Variants in ZNF521 observed in about 807,000 individuals in gnomAD.
The protein encoded by ZNF521 is LYST-interacting protein 3.
ZNF521 carries 14 observed loss-of-function variants against 105.5 expected under a neutral mutation model. The observed-to-expected ratio is 0.13, with a 90% CI of 0.09 to 0.21. ZNF521 has a LOEUF of 0.21. Ranked by LOEUF, ZNF521 falls within the 10% of genes least tolerant of loss-of-function variation. The pLI is 1.00. For missense variants in ZNF521, 1,233 were observed against 1,629.7 expected, an observed-to-expected ratio of 0.76 and a Z score of 4.19; for synonymous variants, 635 against 606.0, an observed-to-expected ratio of 1.05 and a Z score of -0.70.
At chr18:25,346,980 GT>G (rs1435898015) in intron 2 of ZNF521, among the ~76,000 whole-genome samples, 1 of 152,020 alleles carries the variant, frequency 6.6e-6, no homozygotes, top group African/African-American at 2.4e-5. Context: ...CCTTTTTACA[GT>G]GCTTTTTGGA....
chr18:25,154,731 G>A (rs1418333300), intron 5 of ZNF521, among the ~76,000 whole-genome samples: 1 of 152,132 alleles, frequency 6.6e-6, no homozygotes, highest in African/African-American at 2.4e-5. Context: ...AGGGTGAGCT[G>A]AACAAGACCT....
At chr18:25,241,348 G>A (rs1468166348) in intron 3 of ZNF521, among the ~76,000 whole-genome samples, 1 of 152,208 alleles carries the variant, frequency 6.6e-6, no homozygotes, top group Admixed American at 6.5e-5. Flanking sequence ...CTTGAAAACT[G>A]TAGGCAGGAG....
chr18:25,351,011 C>T, intron 1 of ZNF521, 64 bp from the exon 2 acceptor site: 1 of 1,378,044 alleles, frequency 7.3e-7, no homozygotes, highest in Non-Finnish European at 9.5e-7. Context: ...TCCTCGTGGC[C>T]GCGCGCCCCT....
At chr18:25,119,334 C>T (rs1312709092) in intron 5 of ZNF521, among the ~76,000 whole-genome samples, 3 of 152,094 alleles carry the variant, frequency 2.0e-5, no homozygotes, top group African/African-American at 4.8e-5. Flanking sequence ...CTGATAGCTA[C>T]AGAACATTAT....
At chr18:25,274,762 G>A (rs1371245124) in intron 3 of ZNF521, among the ~76,000 whole-genome samples, 1 of 152,180 alleles carries the variant, frequency 6.6e-6, no homozygotes, top group African/African-American at 2.4e-5. Context: ...TTTACAGAAT[G>A]AAATAAGATG....
chr18:25,153,509 G>T (rs572382991), intron 5 of ZNF521, among the ~76,000 whole-genome samples: 2 of 152,232 alleles, frequency 1.3e-5, no homozygotes, highest in Admixed American at 6.5e-5. Context: ...GACTTCACAG[G>T]GCCTTGCTGA....
At position 25,085,194 on chromosome 18, in the gene ZNF521, T is replaced by C. The variant is rs2033592538; in HGVS notation, c.3906+4271A>G. On this transcript the variant is annotated intron_variant, in intron 7 of 7. Coordinates refer to ENST00000361524, the MANE Select transcript of ZNF521 (RefSeq NM_015461.3). ...AAACTCTGCCAAAAGAGAAAGGTTA[T>C]ATCTTGCTACAAATTATATTATATT... is the stretch of plus-strand genomic sequence containing the variant. Among the ~76,000 whole-genome samples, 5 of 151,212 alleles carry C rather than the reference T, an allele frequency of 3.3e-5. No homozygotes were observed. In the South Asian group the frequency reaches 1.0e-3, roughly 32 times the overall value.
chr18:25,293,344 G>A (rs1911142596), intron 3 of ZNF521, among the ~76,000 whole-genome samples: 1 of 117,260 alleles, frequency 8.5e-6, no homozygotes, highest in Non-Finnish European at 1.7e-5. Flanking sequence ...GCTTGCACAT[G>A]TACACATACA....
intron 3 of ZNF521, among the ~76,000 whole-genome samples, chr18:25,300,410 T>G (rs112175802): frequency 0.026 from 3,992 of 152,300 alleles, 172 homozygotes; most frequent in African/African-American, 0.092. Context: ...TAGGTAGACA[T>G]ATACACACTC....
rs142307458 is a variant in ZNF521, at chr18:25,152,348, G to A, written c.3658+42812C>T. ...ACAAAAATTAACCTGGCGTGGTGGC[G>A]CACACCTGTGGTCCCAGCTACTCGG... On this transcript the variant is annotated intron_variant, in intron 5 of 7. Coordinates refer to ENST00000361524, the MANE Select transcript of ZNF521 (RefSeq NM_015461.3). Among the ~76,000 whole-genome samples, 969 of 151,846 alleles carry A rather than the reference G, an allele frequency of 6.4e-3. 9 individuals are homozygous for A. The highest frequency in any genetic ancestry group is 0.022 in the African/African-American group (902 of 41,438).
intron 7 of ZNF521, among the ~76,000 whole-genome samples, chr18:25,078,250 G>A (rs1261569959): frequency 1.3e-5 from 2 of 152,174 alleles, no homozygotes; most frequent in Non-Finnish European, 2.9e-5. Flanking sequence ...CTCTTGCTGC[G>A]CAGATTCTGA....
In ZNF521 at chr18:25,312,752, A is replaced by G. The variant is rs1912387502; in HGVS notation, c.220+9256T>C. Among the ~76,000 whole-genome samples the G allele has an allele frequency of 7.5e-5, 3 of 40,168 alleles. No homozygotes were observed. The South Asian group carries it at 1.4e-3, about 19-fold the overall frequency. 26.4% of individuals were successfully genotyped at this position (40,168 alleles called of 152,430 possible). A position where few individuals can be genotyped will look rare whatever the true frequency, so the allele number is the denominator to read the frequency against. On this transcript the variant is annotated intron_variant, in intron 3 of 7. Coordinates refer to ENST00000361524, the MANE Select transcript of ZNF521 (RefSeq NM_015461.3). ...CGTGAACCCGGGAAGCGGAGCTTGC[A>G]GTGAGCCGAGATTGCGCCACTGCAC...
intron 7 of ZNF521, among the ~76,000 whole-genome samples, chr18:25,074,421 CT>C (rs1386248354): frequency 5.3e-5 from 8 of 152,212 alleles, no homozygotes; most frequent in Non-Finnish European, 1.0e-4. Flanking sequence ...GTGCTTTTTT[CT>C]TTTTGCCTGT....
intron 3 of ZNF521, among the ~76,000 whole-genome samples, chr18:25,284,899 C>T (rs1473059229): frequency 6.9e-6 from 1 of 145,274 alleles, no homozygotes; most frequent in Non-Finnish European, 1.5e-5. Flanking sequence ...CACTCATGTG[C>T]GTGCGCGCGC....
At chr18:25,329,590 C>T (rs1292047032) in intron 2 of ZNF521, among the ~76,000 whole-genome samples, 3 of 152,168 alleles carry the variant, frequency 2.0e-5, no homozygotes, top group Admixed American at 6.5e-5. Flanking sequence ...ACCTGTGTTG[C>T]TATTCAAAAT....
intron 5 of ZNF521, among the ~76,000 whole-genome samples, chr18:25,171,341 A>T (rs1227769078): frequency 6.6e-6 from 1 of 152,108 alleles, no homozygotes; most frequent in African/African-American, 2.4e-5. Flanking sequence ...AATTAGTCAC[A>T]TTCATTATGC....
chr18:25,227,354 G>A lies in ZNF521; in HGVS notation c.564C>T (p.His188=), dbSNP rs115091702. The change falls in exon 4 of 8, where the codon CAC becomes CAT. Residue 188 remains histidine, a synonymous_variant. Coordinates refer to ENST00000361524, the MANE Select transcript of ZNF521 (RefSeq NM_015461.3). The surrounding 1 kb of genome is among the most constrained non-coding windows in gnomAD (Gnocchi z 5.7). Reference sequence around the variant, plus strand: ...TGTGAGTCTTTAAGTGGATCTTCAAGTGATCACTTCTGGAAAACGCAGCAT... The same window carrying A: ...TGTGAGTCTTTAAGTGGATCTTCAAATGATCACTTCTGGAAAACGCAGCAT... The part of the protein sequence containing the change: ...ECDAAFSRSD[H]LKIHLKTHTS... The A allele has an allele frequency of 1.2e-6, 2 of 1,614,034 alleles. No individual in the cohort carries two copies. Among genetic ancestry groups the A allele is most frequent in the African/African-American group, 2.7e-5 (2 of 74,910 alleles).
chr18:25,338,838 T>C (rs1914044235), intron 2 of ZNF521, among the ~76,000 whole-genome samples: 1 of 152,238 alleles, frequency 6.6e-6, no homozygotes, highest in Non-Finnish European at 1.5e-5. Context: ...GAAACATAAT[T>C]AGATGACTAA....
At chr18:25,294,786 C>T (rs1282584316) in intron 3 of ZNF521, among the ~76,000 whole-genome samples, 5 of 125,288 alleles carry the variant, frequency 4.0e-5, no homozygotes, top group Admixed American at 2.1e-4. Context: ...ACCCAGGAGG[C>T]GGAGACAGCA....
Sources: gnomAD v4.1 joint callset for allele counts (sites outside exome capture counted in the v4.1 genomes callset) on GRCh38, gnomAD v4.1.1 for gene constraint, Gnocchi (gnomAD v3.1) non-coding constraint, MANE v1.5 for transcripts, NCBI Gene and HGNC (gene_info 2026-07-23, HGNC 2026-07-21) for gene names.